The following CNTNAP2 variants were observed in gnomAD, a reference collection of about 807,000 sequenced individuals.
The protein encoded by CNTNAP2 is contactin associated protein 2.
Under a neutral mutation model 155.2 loss-of-function variants are expected in CNTNAP2, and 98 were observed. The observed-to-expected ratio is 0.63, with a 90% CI of 0.54 to 0.75. The LOEUF is 0.75. CNTNAP2 is among the 30% of genes least tolerant of loss of function. The probability of loss-of-function intolerance (pLI) is 0.00; values close to 1 mark genes in which losing one functional copy is unlikely to be tolerated. For missense variants in CNTNAP2, 1,727 were observed against 1,688.1 expected, an observed-to-expected ratio of 1.02 and a Z score of -0.40; for synonymous variants, 651 against 631.2, an observed-to-expected ratio of 1.03 and a Z score of -0.47.
intron 10 of CNTNAP2, among the ~76,000 whole-genome samples, chr7:147,406,264 T>C (rs1283825302): frequency 6.6e-6 from 1 of 152,194 alleles, no homozygotes; most frequent in Non-Finnish European, 1.5e-5. Flanking sequence ...GGTTTATTAG[T>C]ATAAGACTCT....
At chr7:147,187,993 G>A (rs1429829412) in intron 8 of CNTNAP2, among the ~76,000 whole-genome samples, 1 of 152,116 alleles carries the variant, frequency 6.6e-6, no homozygotes, top group Non-Finnish European at 1.5e-5. Context: ...CCCGGGAGGT[G>A]TAGGTTGCAG....
chr7:146,328,966 T>G (rs1043634612), intron 1 of CNTNAP2, among the ~76,000 whole-genome samples: 4 of 152,246 alleles, frequency 2.6e-5, no homozygotes, highest in Non-Finnish European at 5.9e-5. Flanking sequence ...TGTATTTGGC[T>G]ATCATGAATA....
intron 1 of CNTNAP2, among the ~76,000 whole-genome samples, chr7:146,266,352 C>T (rs1232906978): frequency 6.6e-6 from 1 of 152,122 alleles, no homozygotes; most frequent in Non-Finnish European, 1.5e-5. Context: ...TGAAAGCATC[C>T]CACAGTTCTA....
At chr7:146,341,638 A>T (rs567483668) in intron 1 of CNTNAP2, among the ~76,000 whole-genome samples, 13 of 152,176 alleles carry the variant, frequency 8.5e-5, no homozygotes, top group Non-Finnish European at 1.3e-4. Flanking sequence ...TATTTTAATG[A>T]TAAATCTGCT....
chr7:147,928,676 C>T (rs1268277056), intron 14 of CNTNAP2, among the ~76,000 whole-genome samples: 4 of 152,216 alleles, frequency 2.6e-5, no homozygotes, highest in East Asian at 1.9e-4. Flanking sequence ...TTCTAAGAGG[C>T]GGTCAGTTAC....
chr7:147,380,848 A>G (rs2116931475), intron 9 of CNTNAP2, among the ~76,000 whole-genome samples: 1 of 152,274 alleles, frequency 6.6e-6, no homozygotes, highest in Non-Finnish European at 1.5e-5. Context: ...GTTTATATCC[A>G]TATTTTACTT....
chr7:148,334,440 A>G (rs748609849), intron 21 of CNTNAP2, among the ~76,000 whole-genome samples: 6 of 152,224 alleles, frequency 3.9e-5, no homozygotes, highest in Non-Finnish European at 5.9e-5. Flanking sequence ...TAAATTTGCT[A>G]CACAATAACT....
chr7:146,824,009 T>G (rs1397115352), intron 2 of CNTNAP2, among the ~76,000 whole-genome samples: 1 of 152,030 alleles, frequency 6.6e-6, no homozygotes, highest in African/African-American at 2.4e-5. Context: ...ATGCATTAGG[T>G]ATTTCTCCTA....
Position 147,691,980 on chromosome 7 carries a change from G to A in CNTNAP2, c.2098+52674G>A, listed in dbSNP as rs570958371. On this transcript the variant is annotated intron_variant, in intron 13 of 23. Transcript: ENST00000361727. ...CTACTACTGTAGTATCACACAGAAT[G>A]TTCCACTGCCCTAAAAGTCCTCTGC... is the stretch of plus-strand genomic sequence containing the variant. Among the ~76,000 whole-genome samples the A allele has an allele frequency of 4.6e-5, 7 of 152,206 alleles. No homozygotes were observed. The South Asian group carries it at 1.2e-3, about 27-fold the overall frequency.
At chr7:147,783,459 A>G (rs952969235) in intron 13 of CNTNAP2, among the ~76,000 whole-genome samples, 1 of 152,196 alleles carries the variant, frequency 6.6e-6, no homozygotes, top group Non-Finnish European at 1.5e-5. Context: ...TGTTGAGATC[A>G]AAATCCTTTT....
intron 1 of CNTNAP2, among the ~76,000 whole-genome samples, chr7:146,501,448 G>A (rs1797299068): frequency 6.6e-6 from 1 of 151,748 alleles, no homozygotes; most frequent in African/African-American, 2.4e-5. Flanking sequence ...TTTGTTATTT[G>A]TGTCTTCCTA....
At chr7:148,335,438 A>T (rs1158747248) in intron 21 of CNTNAP2, among the ~76,000 whole-genome samples, 1 of 152,166 alleles carries the variant, frequency 6.6e-6, no homozygotes, top group South Asian at 2.1e-4. Context: ...CAGGGAGGTG[A>T]CTTCCTCAGG....
chr7:147,605,907 C>A (rs184703489), intron 12 of CNTNAP2, among the ~76,000 whole-genome samples: 1 of 151,390 alleles, frequency 6.6e-6, no homozygotes, highest in East Asian at 1.9e-4. Context: ...CTCTCTCTTT[C>A]TCTCTCTCTG....
At chr7:146,673,927 G>A (rs1221157689) in intron 1 of CNTNAP2, among the ~76,000 whole-genome samples, 1 of 152,182 alleles carries the variant, frequency 6.6e-6, no homozygotes, top group Non-Finnish European at 1.5e-5. Flanking sequence ...AAATTAGCCA[G>A]TCAGAGTGTG....
chr7:147,272,949 A>G (rs573980914), intron 8 of CNTNAP2, among the ~76,000 whole-genome samples: 4 of 152,272 alleles, frequency 2.6e-5, no homozygotes, highest in Admixed American at 2.6e-4. Context: ...ATAAAATGAT[A>G]TGTGAATTGT....
rs1255422619 is a variant in CNTNAP2, at chr7:148,172,371, C to T, written c.2903C>T (p.Thr968Ile). Residue 968 changes from threonine (T) to isoleucine (I), a missense_variant, in exon 18 of 24, where the codon ACC becomes ATC. Physicochemically the swap from Thr to Ile is moderately conservative, Grantham distance 89 (BLOSUM62 -1). Transcript: ENST00000361727. The part of the protein sequence containing the change: ...GFISGCSGHC[T>I]SYGTNCENGG... Reference sequence around the variant, plus strand: ...ATATCCGGATGCTCGGGCCATTGCACCAGCTATGGAACAAACTGTGAAAAT... The same window carrying T: ...ATATCCGGATGCTCGGGCCATTGCATCAGCTATGGAACAAACTGTGAAAAT... 9.9e-6 allele frequency: 16 copies of T among 1,613,958 alleles called. No individual in the cohort carries two copies. The highest frequency in any genetic ancestry group is 3.3e-5 in the Admixed American group (2 of 59,982).
chr7:146,442,341 G>A (rs1448166389), intron 1 of CNTNAP2, among the ~76,000 whole-genome samples: 1 of 148,588 alleles, frequency 6.7e-6, no homozygotes, highest in African/African-American at 2.6e-5. Flanking sequence ...ATACATCTAA[G>A]TGTAGGTTTT....
At chr7:146,561,189 A>C (rs1163838591) in intron 1 of CNTNAP2, among the ~76,000 whole-genome samples, 1 of 152,270 alleles carries the variant, frequency 6.6e-6, no homozygotes, top group South Asian at 2.1e-4. Flanking sequence ...AAAATTGTGT[A>C]GAAGACAATA....
At chr7:146,827,134 A>G (rs1306127365) in intron 2 of CNTNAP2, among the ~76,000 whole-genome samples, 1 of 152,008 alleles carries the variant, frequency 6.6e-6, no homozygotes, top group African/African-American at 2.4e-5. Flanking sequence ...ATAATTAATT[A>G]ATATATTCAT....
Sources: gnomAD v4.1 joint callset for allele counts (sites outside exome capture counted in the v4.1 genomes callset) on GRCh38, gnomAD v4.1.1 for gene constraint, MANE v1.5 for transcripts, NCBI Gene and HGNC (gene_info 2026-07-23, HGNC 2026-07-21) for gene names.